The following MGAT4C variants were observed in gnomAD, a reference collection of about 807,000 sequenced individuals.
MGAT4C encodes the protein MGAT4 family member C.
A neutral mutation model predicts 40.1 loss-of-function variants in MGAT4C; 19 were observed. The observed-to-expected ratio is 0.47, with a 90% CI of 0.33 to 0.70. MGAT4C has a LOEUF of 0.70. Ranked by LOEUF, MGAT4C falls within the 30% of genes least tolerant of loss-of-function variation. The pLI is 0.02. For synonymous variants in MGAT4C, 181 were observed against 187.1 expected (o/e 0.97, Z 0.27); for missense variants, 491 against 563.2 (o/e 0.87, Z 1.30).
At chr12:86,461,549 C>G (rs376529325) in intron 2 of MGAT4C, among the ~76,000 whole-genome samples, 31 of 152,046 alleles carry the variant, frequency 2.0e-4, no homozygotes, top group African/African-American at 7.5e-4. Flanking sequence ...CCGGCCACAT[C>G]TTCTTACTAA....
At chr12:86,678,127 G>T (rs1307382340) in intron 2 of MGAT4C, among the ~76,000 whole-genome samples, 1 of 152,042 alleles carries the variant, frequency 6.6e-6, no homozygotes, top group African/African-American at 2.4e-5. Flanking sequence ...TCTCTGATGA[G>T]AATCTCAAAT....
rs1263106432 is a variant in MGAT4C at position 86,685,177 on chromosome 12, CT to C, written c.-229+42031del. ...GGTTTTTATGGTCCTAGATCTTATG[CT>C]TAAGTCTTTAATCCATCTTGAGTTA... On this transcript the variant is annotated intron_variant, in intron 2 of 7. Coordinates refer to the MGAT4C transcript ENST00000548651. Among the ~76,000 whole-genome samples, 10 of 152,036 alleles carry C rather than the reference CT, an allele frequency of 6.6e-5. No homozygotes were observed. The East Asian group carries it at 1.7e-3, about 27-fold the overall frequency.
At chr12:86,205,801 T>C (rs860813) in intron 1 of MGAT4C, among the ~76,000 whole-genome samples, 102,457 of 151,506 alleles carry the variant, frequency 0.68, 34,929 homozygotes, top group South Asian at 0.76. Flanking sequence ...CAGGAAATTA[T>C]TTACTTTGAC....
chr12:86,369,749 G>A (rs964826227), intron 3 of MGAT4C, among the ~76,000 whole-genome samples: 2 of 151,764 alleles, frequency 1.3e-5, no homozygotes, highest in African/African-American at 4.8e-5. Context: ...ATAATGCATT[G>A]CTTTTTTATT....
At chr12:86,682,716 C>T (rs1950004281) in intron 2 of MGAT4C, among the ~76,000 whole-genome samples, 1 of 152,080 alleles carries the variant, frequency 6.6e-6, no homozygotes. Flanking sequence ...AATGCACTTG[C>T]AGACACCACA....
chr12:86,426,980 G>A (rs1592833504), intron 3 of MGAT4C, among the ~76,000 whole-genome samples: 1 of 151,692 alleles, frequency 6.6e-6, no homozygotes, highest in Admixed American at 6.6e-5. Context: ...GAGAGAGAGA[G>A]AAATCACATC....
chr12:86,753,638 A>C (rs1467911253), intron 1 of MGAT4C, among the ~76,000 whole-genome samples: 1 of 152,126 alleles, frequency 6.6e-6, no homozygotes, highest in Non-Finnish European at 1.5e-5. Context: ...AAGGACTTGT[A>C]AAATATATAC....
intron 2 of MGAT4C, among the ~76,000 whole-genome samples, chr12:86,525,045 A>G (rs1457064762): frequency 1.3e-5 from 2 of 152,116 alleles, no homozygotes; most frequent in African/African-American, 4.8e-5. Context: ...TTATATTGAT[A>G]TTCTGAATTC....
chr12:86,657,832 C>T (rs1034358046), intron 2 of MGAT4C, among the ~76,000 whole-genome samples: 1 of 151,812 alleles, frequency 6.6e-6, no homozygotes, highest in Non-Finnish European at 1.5e-5. Flanking sequence ...TGAAAAGGCA[C>T]CATATTCAAG....
At chr12:86,502,133 A>C (rs1958356386) in intron 2 of MGAT4C, among the ~76,000 whole-genome samples, 2 of 152,142 alleles carry the variant, frequency 1.3e-5, no homozygotes. Flanking sequence ...TTTGATGGAT[A>C]TGGAATGTTA....
In MGAT4C at chr12:86,042,411, T is replaced by G. The variant is rs558925845; in HGVS notation, c.-7+7263A>C. On this transcript the variant is annotated intron_variant, in intron 2 of 4. Transcript: ENST00000611864. ...GTAGTTGCTTTATAGTGTCAATGGTTTCTGTAGTTAAATGCGTTTTTGTTG... is the reference window on the plus strand; with the variant it reads ...GTAGTTGCTTTATAGTGTCAATGGTGTCTGTAGTTAAATGCGTTTTTGTTG... Among the ~76,000 whole-genome samples, 3 of 152,324 alleles carry G rather than the reference T, an allele frequency of 2.0e-5. No homozygotes were observed. In the South Asian group the frequency reaches 6.2e-4, roughly 32 times the overall value.
intron 1 of MGAT4C, among the ~76,000 whole-genome samples, chr12:86,131,311 T>G (rs916230912): frequency 6.6e-6 from 1 of 152,134 alleles, no homozygotes; most frequent in African/African-American, 2.4e-5. Flanking sequence ...AATTCATTTC[T>G]GATCCAGGCA....
At chr12:86,427,129 T>C (rs1428257389) in intron 3 of MGAT4C, among the ~76,000 whole-genome samples, 1 of 152,118 alleles carries the variant, frequency 6.6e-6, no homozygotes, top group African/African-American at 2.4e-5. Flanking sequence ...ATAGCTTTGT[T>C]CTATAAGCTT....
chr12:86,349,389 CGTT>C, intron 3 of MGAT4C, among the ~76,000 whole-genome samples: 1 of 152,196 alleles, frequency 6.6e-6, no homozygotes, highest in East Asian at 1.9e-4. Context: ...TGCTAGTAAA[CGTT>C]GTATTGGTAT....
intron 3 of MGAT4C, among the ~76,000 whole-genome samples, chr12:86,406,346 A>T (rs1026300043): frequency 6.6e-6 from 1 of 151,848 alleles, no homozygotes; most frequent in African/African-American, 2.4e-5. Flanking sequence ...TAAACTGTAT[A>T]TGTAATAAAA....
intron 2 of MGAT4C, among the ~76,000 whole-genome samples, chr12:85,992,019 T>C (rs1886005098): frequency 6.6e-6 from 1 of 152,172 alleles, no homozygotes. Flanking sequence ...CATACGTTTC[T>C]GGCCAGAAAA....
At chr12:86,548,785 A>G (rs1183185873) in intron 2 of MGAT4C, among the ~76,000 whole-genome samples, 1 of 152,176 alleles carries the variant, frequency 6.6e-6, no homozygotes, top group Admixed American at 6.5e-5. Context: ...ACTCATACAT[A>G]TTTTGTGAAG....
At position 85,980,354 on chromosome 12, in the gene MGAT4C, A is replaced by G; in HGVS notation, c.372T>C (p.Phe124=). The G allele has an allele frequency of 6.2e-7, 1 of 1,613,594 alleles. No individual in the cohort carries two copies. Among genetic ancestry groups the G allele is most frequent in the Non-Finnish European group, 8.5e-7 (1 of 1,179,790 alleles). The change falls in exon 5 of 5, where the codon TTT becomes TTC. Residue 124 remains phenylalanine, a synonymous_variant. Coordinates refer to ENST00000611864, the MANE Select transcript of MGAT4C (RefSeq NM_001351288.2). ...NYLLETIKSI[F]EQSSYEELKE... ...TCAGCTCTTCATAGCTGGATTGCTCAAAAATTGACTTAATTGTCTCAAGTA... is the reference window on the plus strand; with the variant it reads ...TCAGCTCTTCATAGCTGGATTGCTCGAAAATTGACTTAATTGTCTCAAGTA...
intron 1 of MGAT4C, among the ~76,000 whole-genome samples, chr12:86,214,995 TTTCTA>T (rs1950612887): frequency 6.6e-6 from 1 of 152,140 alleles, no homozygotes; most frequent in Non-Finnish European, 1.5e-5. Context: ...AGATTCTATT[TTTCTA>T]TGACCTTCAC....
Sources: allele counts gnomAD v4.1 joint callset (sites outside exome capture counted in the v4.1 genomes callset), GRCh38; gene constraint gnomAD v4.1.1; transcripts MANE v1.5; gene names NCBI Gene and HGNC (gene_info 2026-07-23, HGNC 2026-07-21).